The following MINDY4 variants were observed in gnomAD, a reference collection of about 807,000 sequenced individuals.
The protein encoded by MINDY4 is probable ubiquitin carboxyl-terminal hydrolase MINDY-4.
Under a neutral mutation model 87.0 loss-of-function variants are expected in MINDY4, and 68 were observed. The observed-to-expected ratio is 0.78, with a 90% CI of 0.64 to 0.96. The LOEUF (loss-of-function observed/expected upper bound fraction) is 0.96. MINDY4 is among the 40% of genes least tolerant of loss of function. MINDY4 has a pLI of 0.00. For missense variants in MINDY4, 919 were observed against 928.2 expected (o/e 0.99, Z 0.13); for synonymous variants, 379 against 363.2 (o/e 1.04, Z -0.50).
At chr7:30,813,704 C>T (rs192821418) in intron 5 of MINDY4, among the ~76,000 whole-genome samples, 203 of 152,288 alleles carry the variant, frequency 1.3e-3, no homozygotes, top group African/African-American at 4.4e-3. Context: ...TGTACTTGTC[C>T]GAACTGGGGC....
At chr7:30,788,507 C>T (rs558101204) in intron 4 of MINDY4, among the ~76,000 whole-genome samples, 5 of 152,074 alleles carry the variant, frequency 3.3e-5, no homozygotes, top group Non-Finnish European at 5.9e-5. Context: ...GATGTCACCC[C>T]CAGCTCATCC....
At chr7:30,878,439 G>A (rs931316888) in intron 15 of MINDY4, among the ~76,000 whole-genome samples, 1 of 152,180 alleles carries the variant, frequency 6.6e-6, no homozygotes, top group African/African-American at 2.4e-5. Flanking sequence ...CGGCCTGGCT[G>A]TGTCCTGCCG....
intron 5 of MINDY4, among the ~76,000 whole-genome samples, chr7:30,799,520 C>G (rs137866102): frequency 1.1e-3 from 175 of 152,348 alleles, no homozygotes; most frequent in African/African-American, 4.0e-3. Flanking sequence ...AGGTTAAATT[C>G]CACCATCCCT....
At chr7:30,775,208 C>T (rs1786773451) in intron 1 of MINDY4, among the ~76,000 whole-genome samples, 1 of 152,206 alleles carries the variant, frequency 6.6e-6, no homozygotes, top group African/African-American at 2.4e-5. Context: ...ACGCTCATGA[C>T]TGCCCCCACT....
intron 17 of MINDY4, among the ~76,000 whole-genome samples, chr7:30,887,181 A>G (rs903560040): frequency 5.3e-5 from 8 of 152,036 alleles, no homozygotes; most frequent in Non-Finnish European, 1.2e-4. Flanking sequence ...CATGCTGACC[A>G]TTTTGCCCAG....
intron 1 of MINDY4, among the ~76,000 whole-genome samples, chr7:30,771,792 G>T (rs954959543): frequency 1.3e-5 from 2 of 152,216 alleles, no homozygotes; most frequent in African/African-American, 2.4e-5. Context: ...GACCCCGTCC[G>T]CTGCCCTCCT....
intron 10 of MINDY4, among the ~76,000 whole-genome samples, chr7:30,851,329 A>G (rs899215835): frequency 6.6e-6 from 1 of 152,226 alleles, no homozygotes; most frequent in Non-Finnish European, 1.5e-5. Flanking sequence ...CAATGGATGT[A>G]ATCGCTCTGT....
intron 13 of MINDY4, among the ~76,000 whole-genome samples, chr7:30,867,119 C>T (rs1789960196): frequency 1.3e-5 from 2 of 152,262 alleles, no homozygotes; most frequent in South Asian, 2.1e-4. Context: ...AAATGGAAAG[C>T]GATTTACCAA....
chr7:30,886,308 G>T (rs1435054265), intron 17 of MINDY4, among the ~76,000 whole-genome samples: 1 of 152,166 alleles, frequency 6.6e-6, no homozygotes, highest in African/African-American at 2.4e-5. Context: ...GTAAGACTTG[G>T]CTCCTGCTCT....
In MINDY4 at chr7:30,828,707, G is replaced by A. The variant is rs574478394; in HGVS notation, c.1102G>A (p.Val368Met). 2.5e-6 allele frequency: 4 copies of A among 1,613,624 alleles called. No individual in the cohort carries two copies. The highest frequency in any genetic ancestry group is 2.7e-5 in the African/African-American group (2 of 74,910). Residue 368 changes from valine to methionine, a missense_variant, in exon 6 of 18, where the codon GTG becomes ATG. Physicochemically the swap from Val to Met is conservative, Grantham distance 21. Transcript: ENST00000265299. ...RKNQLLPSDKVDGELGALRLE... is the reference protein window; with the variant it reads ...RKNQLLPSDKMDGELGALRLE... ...AAATCAGTTGCTGCCGTCTGACAAG[G>A]TGGATGGTGAGCTGGGTGCCCTGCG...
chr7:30,781,823 A>G, intron 2 of MINDY4, 154 bp from the exon 3 acceptor site: 1 of 619,882 alleles, frequency 1.6e-6, no homozygotes, highest in South Asian at 2.0e-5. Context: ...AGTACCTGAC[A>G]TATATAATAT....
At chr7:30,821,967 T>G (rs1788342814) in intron 5 of MINDY4, among the ~76,000 whole-genome samples, 1 of 152,122 alleles carries the variant, frequency 6.6e-6, no homozygotes, top group African/African-American at 2.4e-5. Flanking sequence ...TTTGTCACAT[T>G]TGTTCTTTCT....
intron 9 of MINDY4, among the ~76,000 whole-genome samples, chr7:30,848,224 G>C (rs1025699982): frequency 6.6e-6 from 1 of 152,224 alleles, no homozygotes; most frequent in Non-Finnish European, 1.5e-5. Flanking sequence ...GTCTATCCAT[G>C]TTGGGGAACA....
At chr7:30,860,374 A>G (rs545596606) in intron 13 of MINDY4, among the ~76,000 whole-genome samples, 23 of 152,166 alleles carry the variant, frequency 1.5e-4, no homozygotes, top group Non-Finnish European at 2.9e-4. Flanking sequence ...TTCTGACCTT[A>G]TTAAATGCGT....
At chr7:30,875,461 C>T (rs1262578667) in intron 14 of MINDY4, 34 bp from the exon 15 acceptor site, 1 of 1,611,944 alleles carries the variant, frequency 6.2e-7, no homozygotes, top group Non-Finnish European at 8.5e-7. Flanking sequence ...CTGATTCAGA[C>T]TTGATGAGTC....
In MINDY4 at chr7:30,836,729, A is replaced by G. The variant is rs1451773239; in HGVS notation, c.1204A>G (p.Thr402Ala). The G allele has an allele frequency of 6.2e-7, 1 of 1,614,206 alleles. No individual in the cohort carries two copies. Among genetic ancestry groups the G allele is most frequent in the Non-Finnish European group, 8.5e-7 (1 of 1,180,016 alleles). ...AGTCCCATCAGTGCTCAAGTTGCAG[A>G]CAGCATCAAAACCAATTGACCTCTC... The part of the protein sequence containing the change: ...SPVPSVLKLQ[T>A]ASKPIDLSVA... The change falls in exon 7 of 18, where the codon ACA (threonine) becomes GCA (alanine). Residue 402 changes from threonine to alanine, a missense_variant. Transcript: ENST00000265299.
chr7:30,877,660 C>CTCTTCT (rs560853626), intron 15 of MINDY4, among the ~76,000 whole-genome samples: 3 of 143,844 alleles, frequency 2.1e-5, no homozygotes, highest in Non-Finnish European at 3.0e-5. Flanking sequence ...AAGCCCTTCC[C>CTCTTCT]TCTTCTTCTT....
At chr7:30,833,361 C>T (rs1788763435) in intron 6 of MINDY4, among the ~76,000 whole-genome samples, 1 of 151,656 alleles carries the variant, frequency 6.6e-6, no homozygotes, top group African/African-American at 2.4e-5. Context: ...AAGAGAGAGC[C>T]TGTGTAGGCA....
intron 5 of MINDY4, among the ~76,000 whole-genome samples, chr7:30,793,209 T>C (rs549362017): frequency 1.3e-5 from 2 of 150,682 alleles, no homozygotes; most frequent in East Asian, 1.9e-4. Flanking sequence ...TGATATTTGC[T>C]GAGATTTCCT....
Sources: allele counts gnomAD v4.1 joint callset (sites outside exome capture counted in the v4.1 genomes callset), GRCh38; gene constraint gnomAD v4.1.1; transcripts MANE v1.5; gene names NCBI Gene and HGNC (gene_info 2026-07-23, HGNC 2026-07-21).